DNAH10: variants seen among roughly 807,000 people sequenced by gnomAD.
DNAH10 encodes the protein axonemal beta dynein heavy chain 10.
A neutral mutation model predicts 506.6 loss-of-function variants in DNAH10; 348 were observed. That is an observed-to-expected ratio of 0.69 (90% confidence interval 0.63 to 0.75). The LOEUF (loss-of-function observed/expected upper bound fraction) is 0.75. Ranked by LOEUF, DNAH10 falls within the 30% of genes least tolerant of loss-of-function variation. DNAH10 has a pLI of 0.00. For synonymous variants in DNAH10, 2,059 were observed against 2,198.6 expected (o/e 0.94, Z 1.78); for missense variants, 5,179 against 5,787.1 (o/e 0.89, Z 3.41).
At chr12:123,770,633 AGATG>A (rs924082547) in intron 2 of DNAH10, among the ~76,000 whole-genome samples, 1 of 151,958 alleles carries the variant, frequency 6.6e-6, no homozygotes, top group Non-Finnish European at 1.5e-5. Flanking sequence ...TTTGGCTGGT[AGATG>A]TTACTGTCCC....
chr12:123,819,183 G>C lies in DNAH10; in HGVS notation c.3933G>C (p.Gln1311His), dbSNP rs748806736. 4 of 1,613,638 alleles carry C rather than the reference G, an allele frequency of 2.5e-6. No individual in the cohort carries two copies. The highest frequency in any genetic ancestry group is 1.6e-4 in the Middle Eastern group (1 of 6,062). ...GCGAAATAATGAACTACAGAGTTCAGATAGAGGAGTTTGCAAAGCGTTTTT... is the reference window on the plus strand; with the variant it reads ...GCGAAATAATGAACTACAGAGTTCACATAGAGGAGTTTGCAAAGCGTTTTT... ...TRGEIMNYRV[Q>H]IEEFAKRFYS... Residue 1311 changes from glutamine to histidine, a missense_variant, in exon 23 of 79, where the codon CAG becomes CAC. Gln to His is a conservative substitution (Grantham distance 24). Coordinates refer to ENST00000673944, the MANE Select transcript of DNAH10 (RefSeq NM_001372106.1).
At position 123,931,852 on chromosome 12, in the gene DNAH10, G is replaced by T; in HGVS notation, c.13128+5G>T. ...TCTCTGGCTGAACTTCAAAGGGTGA[G>T]CCTGTCTCTCATGTGCAGATTACTG... On this transcript the variant is annotated splice_donor_5th_base_variant and intron_variant, in intron 75 of 78. Coordinates refer to ENST00000673944, the MANE Select transcript of DNAH10 (RefSeq NM_001372106.1). The T allele has an allele frequency of 6.2e-7, 1 of 1,613,882 alleles. No individual in the cohort carries two copies. The highest frequency in any genetic ancestry group is 8.5e-7 in the Non-Finnish European group (1 of 1,179,774).
intron 40 of DNAH10, 42 bp from the exon 41 acceptor site, chr12:123,865,909 G>T (rs755143062): frequency 5.8e-6 from 9 of 1,558,840 alleles, no homozygotes; most frequent in Non-Finnish European, 7.8e-6. Flanking sequence ...AGTTTATCTT[G>T]TGTATAGCTA....
chr12:123,805,054 G>A lies in DNAH10; in HGVS notation c.2987+14G>A. 6.2e-7 allele frequency: 1 copy of A among 1,613,192 alleles called. No homozygotes were observed. Among genetic ancestry groups the A allele is most frequent in the Non-Finnish European group, 8.5e-7 (1 of 1,179,284 alleles). On this transcript the variant is annotated intron_variant, in intron 18 of 78. Transcript: ENST00000673944. ...GCTCATCCTGAAGTAAGTTCATCTT[G>A]TTGCATGCTTTAAAATGGTGTGTGT...
At chr12:123,905,485 A>G (rs1005704518) in intron 57 of DNAH10, among the ~76,000 whole-genome samples, 1 of 152,222 alleles carries the variant, frequency 6.6e-6, no homozygotes, top group Non-Finnish European at 1.5e-5. Flanking sequence ...ATCCTCACCA[A>G]CAATCCAAAC....
intron 46 of DNAH10, among the ~76,000 whole-genome samples, chr12:123,874,637 A>C (rs1444237076): frequency 6.6e-6 from 1 of 151,738 alleles, no homozygotes; most frequent in East Asian, 1.9e-4. Flanking sequence ...CCATCCATCC[A>C]TTCAATGGAT....
intron 24 of DNAH10, among the ~76,000 whole-genome samples, chr12:123,821,667 AT>A (rs200809125): frequency 0.021 from 3,146 of 150,554 alleles, 106 homozygotes; most frequent in African/African-American, 0.069. Context: ...TAAAATGACA[AT>A]TTTTTTTTTA....
chr12:123,893,398 T>TGGG lies in DNAH10; in HGVS notation c.9164_9166dup (p.Gly3055dup). ...CACATTGTCCTGGGCATGTCGCCAG[T>TGGG]GGGGGACACCCTGAGGACCTGGTGC... On this transcript the variant is annotated inframe_insertion, in exon 53 of 79. Coordinates refer to ENST00000673944, the MANE Select transcript of DNAH10 (RefSeq NM_001372106.1). The TGGG allele has an allele frequency of 6.2e-7, 1 of 1,613,332 alleles. No individual in the cohort carries two copies. Among genetic ancestry groups the TGGG allele is most frequent in the Non-Finnish European group, 8.5e-7 (1 of 1,179,882 alleles).
intron 30 of DNAH10, 62 bp downstream of exon 30, chr12:123,841,607 T>G: frequency 6.6e-7 from 1 of 1,517,426 alleles, no homozygotes; most frequent in South Asian, 1.2e-5. Context: ...TGGATTAATT[T>G]TAAAGGCTTG....
chr12:123,878,636 C>T (rs1401911968), intron 48 of DNAH10, among the ~76,000 whole-genome samples: 2 of 152,182 alleles, frequency 1.3e-5, no homozygotes, highest in African/African-American at 4.8e-5. Context: ...GTGGCTAATG[C>T]CTATAGTCTC....
At chr12:123,778,705 AG>A (rs1957530743) in intron 5 of DNAH10, among the ~76,000 whole-genome samples, 2 of 152,120 alleles carry the variant, frequency 1.3e-5, no homozygotes, top group South Asian at 2.1e-4. Flanking sequence ...CAAAAAAAAA[AG>A]AAAAAAAATA....
chr12:123,832,974 G>C, intron 26 of DNAH10, 140 bp from the exon 27 acceptor site: 1 of 648,668 alleles, frequency 1.5e-6, no homozygotes, highest in Non-Finnish European at 2.7e-6. Flanking sequence ...TACCATGACA[G>C]AATCCCAACT....
rs769901739 is a variant in DNAH10, at chr12:123,853,184, A to G, written c.6292-22A>G. The G allele has an allele frequency of 6.6e-7, 1 of 1,525,046 alleles. No homozygotes were observed. The highest frequency in any genetic ancestry group is 2.4e-5 in the East Asian group (1 of 41,900). 94.5% of individuals were successfully genotyped at this position (1,525,046 alleles called of 1,614,324 possible). ...CATTTTCTTTTTTCTTTTTTTTTGTATTATTATCTTCTATCAAAAAGACTC... is the reference window on the plus strand; with the variant it reads ...CATTTTCTTTTTTCTTTTTTTTTGTGTTATTATCTTCTATCAAAAAGACTC... On this transcript the variant is annotated intron_variant, in intron 35 of 78. Coordinates refer to ENST00000673944, the MANE Select transcript of DNAH10 (RefSeq NM_001372106.1). This position sits in a 1 kb window ranked among gnomAD's most constrained non-coding sequence, Gnocchi z 4.7.
At chr12:123,824,312 T>C (rs1959734598) in intron 24 of DNAH10, among the ~76,000 whole-genome samples, 1 of 152,110 alleles carries the variant, frequency 6.6e-6, no homozygotes, top group Non-Finnish European at 1.5e-5. Flanking sequence ...TTGGGGACGA[T>C]GGTGAACATC....
intron 74 of DNAH10, 55 bp downstream of exon 74, chr12:123,931,527 C>T (rs1014864346): frequency 5.8e-5 from 93 of 1,606,556 alleles, no homozygotes; most frequent in Non-Finnish European, 7.4e-5. Flanking sequence ...ACGATTGCTT[C>T]TTGTAGCCCT....
In DNAH10 at chr12:123,928,503, C is replaced by G. The variant is rs1955046044; in HGVS notation, c.12222C>G (p.Thr4074=). 2 of 1,611,432 alleles carry G rather than the reference C, an allele frequency of 1.2e-6. No homozygotes were observed. Among genetic ancestry groups the G allele is most frequent in the African/African-American group, 2.7e-5 (2 of 75,014 alleles). ...KDLEKSLERI[T]KPHPDFRLWL... ...TGGAGAAGTCCCTGGAGAGGATCAC[C>G]AAGCCCCACCCAGACTTCCGCCTGT... The change falls in exon 70 of 79, where the codon ACC becomes ACG. Residue 4074 remains threonine, a synonymous_variant. Transcript: ENST00000673944. This position sits in a 1 kb window ranked among gnomAD's most constrained non-coding sequence, Gnocchi z 4.9.
At position 123,833,348 on chromosome 12, in the gene DNAH10, G is replaced by A. The variant is rs1246531846; in HGVS notation, c.4779+1G>A. 1 of 1,606,012 alleles carries A rather than the reference G, an allele frequency of 6.2e-7. No individual in the cohort carries two copies. The highest frequency in any genetic ancestry group is 1.1e-5 in the South Asian group (1 of 89,478). On this transcript the variant is annotated splice_donor_variant, in intron 27 of 78. Transcript: ENST00000673944. LOFTEE classifies it high-confidence loss of function. Reference sequence around the variant, plus strand: ...TTCTCTAATAGGGGAAGTCATTGAGGTGAGAGAAAAGATGAACAAAAGATG... The same window carrying A: ...TTCTCTAATAGGGGAAGTCATTGAGATGAGAGAAAAGATGAACAAAAGATG...
At chr12:123,855,288 C>G (rs1565999130) in intron 36 of DNAH10, among the ~76,000 whole-genome samples, 1 of 152,066 alleles carries the variant, frequency 6.6e-6, no homozygotes, top group Non-Finnish European at 1.5e-5. Flanking sequence ...AGACGCTTGC[C>G]AGGTCCTGAG....
intron 11 of DNAH10, among the ~76,000 whole-genome samples, chr12:123,790,913 C>T (rs571231268): frequency 2.7e-4 from 41 of 152,130 alleles, no homozygotes; most frequent in African/African-American, 9.2e-4. Flanking sequence ...CTGCTTGAAC[C>T]CAGGAGTTTG....
Sources: allele counts gnomAD v4.1 joint callset (sites outside exome capture counted in the v4.1 genomes callset), GRCh38; gene constraint gnomAD v4.1.1; non-coding constraint Gnocchi (gnomAD v3.1); transcripts MANE v1.5; gene names NCBI Gene and HGNC (gene_info 2026-07-23, HGNC 2026-07-21).